The following TRMT44 variants were observed in gnomAD, a reference collection of about 807,000 sequenced individuals.
TRMT44 encodes the protein probable tRNA (uracil-O(2)-)-methyltransferase.
Under a neutral mutation model 77.3 loss-of-function variants are expected in TRMT44, and 78 were observed. The ratio of observed to expected loss-of-function variants is 1.01; its 90% CI spans 0.84 to 1.22. The LOEUF (loss-of-function observed/expected upper bound fraction) is 1.22. TRMT44 is among the 50% of genes most tolerant of loss of function. TRMT44 has a pLI of 0.00. For synonymous variants in TRMT44, 391 were observed against 383.3 expected (o/e 1.02, Z -0.23); for missense variants, 1,090 against 964.4 (o/e 1.13, Z -1.73).
intron 2 of TRMT44, among the ~76,000 whole-genome samples, chr4:8,482,910 G>T (rs1251585355): frequency 1.4e-5 from 2 of 139,010 alleles, no homozygotes; most frequent in Non-Finnish European, 3.1e-5. Context: ...AAAAATTTTG[G>T]GGGGGGTGGT....
At chr4:8,511,380 G>A in the TRMT44 span, among the ~76,000 whole-genome samples, 1 of 152,108 alleles carries the variant, frequency 6.6e-6, no homozygotes, top group African/African-American at 2.4e-5. Context: ...TCAGAATAAT[G>A]TCCCCCCTCC....
In TRMT44 at chr4:8,441,048, C is replaced by A; in HGVS notation, c.226C>A (p.Gln76Lys). The A allele has an allele frequency of 6.7e-7, 1 of 1,487,662 alleles. No individual in the cohort carries two copies. Among genetic ancestry groups the A allele is most frequent in the Non-Finnish European group, 8.9e-7 (1 of 1,125,622 alleles). The allele number at this position is 1,487,662 out of a possible 1,614,324, so 92.2% of individuals were successfully genotyped here. ...EQKERGPGPG[Q>K]GSPGGGPGPR... ...GAAGGAGCGGGGTCCGGGACCCGGC[C>A]AGGGTTCCCCCGGAGGGGGCCCGGG... Residue 76 changes from glutamine (Q) to lysine (K), a missense_variant, in exon 1 of 11, where the codon CAG becomes AAG. Coordinates refer to ENST00000389737, the MANE Select transcript of TRMT44 (RefSeq NM_152544.3).
At chr4:8,479,662 T>C (rs1209429032), downstream of TRMT44, 2 of 152,150 alleles carry the variant, frequency 1.3e-5, no homozygotes, top group Non-Finnish European at 2.9e-5. Flanking sequence ...TGGGTGTCCG[T>C]GAGGGAGAGG....
chr4:8,441,487 A>T (rs780261319), intron 1 of TRMT44, 46 bp downstream of exon 1: 133 of 1,441,394 alleles, frequency 9.2e-5, no homozygotes, highest in Non-Finnish European at 1.1e-4. Flanking sequence ...ATAAAAAAGC[A>T]TTCATAGAAC....
rs557456117 is a variant in TRMT44, at chr4:8,461,102, C to T, written c.1204-2883C>T. On this transcript the variant is annotated intron_variant, in intron 6 of 10. Transcript: ENST00000389737. The surrounding 1 kb of genome is among the most constrained non-coding windows in gnomAD (Gnocchi z 4.6). ...TGGGGCTCAAGTGATCCTCCCACCTCGGCCTCCCACAGGGCTGGGATGACA... is the reference window on the plus strand; with the variant it reads ...TGGGGCTCAAGTGATCCTCCCACCTTGGCCTCCCACAGGGCTGGGATGACA... Among the ~76,000 whole-genome samples the T allele has an allele frequency of 9.2e-5, 14 of 152,298 alleles. No individual in the cohort carries two copies. Among genetic ancestry groups the T allele is most frequent in the South Asian group, 6.2e-4 (3 of 4,828 alleles).
At chr4:8,481,096 G>A (rs181771876), downstream of TRMT44, among the ~76,000 whole-genome samples, 1 of 152,164 alleles carries the variant, frequency 6.6e-6, no homozygotes, top group Non-Finnish European at 1.5e-5. Context: ...TAAGGGCAGC[G>A]ACTATTAGAC....
the TRMT44 span, among the ~76,000 whole-genome samples, chr4:8,505,318 G>T: frequency 9.2e-5 from 14 of 152,336 alleles, no homozygotes; most frequent in Non-Finnish European, 1.6e-4. Flanking sequence ...GAAGTCAGGT[G>T]CACTGAGGCC....
downstream of TRMT44, chr4:8,477,499 CTG>C (rs1390538878): frequency 1.3e-5 from 2 of 152,364 alleles, no homozygotes; most frequent in Non-Finnish European, 2.9e-5. Context: ...GCTGAGGCCT[CTG>C]GGGTCCCCAC....
At chr4:8,442,779 C>T (rs1271792837) in intron 1 of TRMT44, among the ~76,000 whole-genome samples, 1 of 152,180 alleles carries the variant, frequency 6.6e-6, no homozygotes, top group East Asian at 1.9e-4. Flanking sequence ...ATCTCAGAGC[C>T]AGCAATGGGG....
At chr4:8,469,619 G>A (rs535630369) in intron 9 of TRMT44, among the ~76,000 whole-genome samples, 103 of 152,326 alleles carry the variant, frequency 6.8e-4, no homozygotes, top group African/African-American at 2.3e-3. Flanking sequence ...GATGGAGAGC[G>A]GGGATGGGTG....
rs942663981 is a variant in TRMT44, at chr4:8,440,833, T to A, written c.11T>A (p.Val4Glu). The A allele has an allele frequency of 8.1e-5, 121 of 1,486,066 alleles. No individual in the cohort carries two copies. The highest frequency in any genetic ancestry group is 1.0e-4 in the Non-Finnish European group (114 of 1,121,690). The allele number at this position is 1,486,066 out of a possible 1,614,324, so 92.1% of individuals were successfully genotyped here. Residue 4 changes from valine to glutamate, a missense_variant, in exon 1 of 11, where the codon GTG becomes GAG. Transcript: ENST00000389737. MAEVGRTGISYPGA... is the reference protein window; with the variant it reads MAEEGRTGISYPGA... ...CACCTGCTGGCTGCCATGGCTGAGG[T>A]GGGCCGTACCGGGATCAGCTACCCA...
At chr4:8,508,975 A>C in the TRMT44 span, 1 of 152,314 alleles carries the variant, frequency 6.6e-6, no homozygotes, top group African/African-American at 2.4e-5. Flanking sequence ...GAGGGCTGGC[A>C]GCTGGCAGGA....
At chr4:8,506,632 C>G in the TRMT44 span, among the ~76,000 whole-genome samples, 1 of 152,208 alleles carries the variant, frequency 6.6e-6, no homozygotes, top group Non-Finnish European at 1.5e-5. Context: ...TGGCTCTGCC[C>G]CAGGGGGAGC....
At chr4:8,505,009 C>T in the TRMT44 span, among the ~76,000 whole-genome samples, 13 of 152,312 alleles carry the variant, frequency 8.5e-5, no homozygotes, top group South Asian at 1.0e-3. Context: ...TGCCCCCAGC[C>T]GCAGAGGAAT....
chr4:8,463,757 G>C (rs1001020139), intron 6 of TRMT44, among the ~76,000 whole-genome samples: 3 of 152,222 alleles, frequency 2.0e-5, no homozygotes, highest in African/African-American at 7.2e-5. Flanking sequence ...AGTGCTGTTA[G>C]TTTCTCCGGT....
In TRMT44 at chr4:8,464,084, G is replaced by T; in HGVS notation, c.1303G>T (p.Ala435Ser). Reference protein sequence around the residue: ...DELTPWIPVIAARSSYNCRFF... With the variant: ...DELTPWIPVISARSSYNCRFF... ...ACTCACACCATGGATACCTGTCATT[G>T]CAGCCAGGTGAGAAGTAGAGGAGTT... is the stretch of plus-strand genomic sequence containing the variant. Residue 435 changes from alanine to serine, a missense_variant, in exon 7 of 11, where the codon GCA (alanine) becomes TCA (serine). Coordinates refer to ENST00000389737, the MANE Select transcript of TRMT44 (RefSeq NM_152544.3). The T allele has an allele frequency of 6.2e-7, 1 of 1,613,216 alleles. No individual in the cohort carries two copies. The highest frequency in any genetic ancestry group is 8.5e-7 in the Non-Finnish European group (1 of 1,179,350).
At chr4:8,458,250 A>T (rs888570102) in intron 6 of TRMT44, among the ~76,000 whole-genome samples, 2 of 152,204 alleles carry the variant, frequency 1.3e-5, no homozygotes, top group African/African-American at 4.8e-5. Context: ...GATGTATTTC[A>T]TGAAGTTACA....
In TRMT44 at chr4:8,449,558, G is replaced by C. The variant is rs1340892581; in HGVS notation, c.735-111G>C. 20 of 824,920 alleles carry C rather than the reference G, an allele frequency of 2.4e-5. No individual in the cohort carries two copies. In the East Asian group the frequency reaches 5.2e-4, roughly 22 times the overall value. 51.1% of individuals were successfully genotyped at this position (824,920 alleles called of 1,614,324 possible). A position where few individuals can be genotyped will look rare whatever the true frequency, so the allele number is the denominator to read the frequency against. On this transcript the variant is annotated intron_variant, in intron 2 of 10. Coordinates refer to ENST00000389737, the MANE Select transcript of TRMT44 (RefSeq NM_152544.3). The stretch of plus-strand genomic sequence containing the variant: ...TAGTTCTAGTTCGTTTTATGTTTTT[G>C]GTAATATAGATGTCTTAGCTTCTGT...
At chr4:8,443,142 C>T (rs77657973) in intron 1 of TRMT44, among the ~76,000 whole-genome samples, 4,947 of 152,192 alleles carry the variant, frequency 0.033, 290 homozygotes, top group African/African-American at 0.11. Flanking sequence ...GGTGTCCTCT[C>T]CTCCAGGGGG....
Sources: allele counts gnomAD v4.1 joint callset (sites outside exome capture counted in the v4.1 genomes callset), GRCh38; gene constraint gnomAD v4.1.1; non-coding constraint Gnocchi (gnomAD v3.1); transcripts MANE v1.5; gene names NCBI Gene and HGNC (gene_info 2026-07-23, HGNC 2026-07-21).